The following SLIT3 variants were observed in gnomAD, a reference collection of about 807,000 sequenced individuals.
SLIT3 encodes slit guidance ligand 3.
Under a neutral mutation model 184.0 loss-of-function variants are expected in SLIT3, and 68 were observed. The ratio of observed to expected loss-of-function variants is 0.37; its 90% CI spans 0.30 to 0.45. The LOEUF (loss-of-function observed/expected upper bound fraction) is 0.45, where lower values mean the gene tolerates loss of function less well. Among genes scored for constraint, SLIT3 ranks in the 20% least tolerant of loss-of-function variants. The pLI, the probability that SLIT3 is intolerant of heterozygous loss-of-function variation, is 1.00. For synonymous variants in SLIT3, 831 were observed against 828.6 expected (o/e 1.00, Z -0.05); for missense variants, 1,707 against 2,026.0 (o/e 0.84, Z 3.02).
At chr5:169,213,185 C>A (rs186957402) in intron 3 of SLIT3, among the ~76,000 whole-genome samples, 1 of 151,918 alleles carries the variant, frequency 6.6e-6, no homozygotes, top group African/African-American at 2.4e-5. Flanking sequence ...AAGAGAGAGC[C>A]AAATCATGAG....
intron 4 of SLIT3, among the ~76,000 whole-genome samples, chr5:169,134,330 T>A (rs1026216792): frequency 6.6e-6 from 1 of 152,220 alleles, no homozygotes; most frequent in Non-Finnish European, 1.5e-5. Context: ...CCTCTGTCCC[T>A]CTCACATGCT....
intron 9 of SLIT3, among the ~76,000 whole-genome samples, chr5:168,803,698 G>A (rs1255743650): frequency 6.6e-6 from 1 of 152,182 alleles, no homozygotes; most frequent in Non-Finnish European, 1.5e-5. Flanking sequence ...TGCAGTTTGG[G>A]AACCTAGCCG....
At chr5:168,962,466 T>C (rs554581683) in intron 4 of SLIT3, among the ~76,000 whole-genome samples, 11 of 152,112 alleles carry the variant, frequency 7.2e-5, no homozygotes, top group Non-Finnish European at 1.5e-4. Context: ...AACCAGACCA[T>C]GTGTTTTTGC....
intron 3 of SLIT3, among the ~76,000 whole-genome samples, chr5:169,196,520 T>C (rs1048884158): frequency 1.3e-5 from 2 of 152,164 alleles, no homozygotes; most frequent in African/African-American, 4.8e-5. Flanking sequence ...TCAAACGCCA[T>C]GCCACGTGCT....
intron 4 of SLIT3, among the ~76,000 whole-genome samples, chr5:168,917,304 G>A (rs1190148945): frequency 2.0e-5 from 3 of 152,084 alleles, no homozygotes; most frequent in East Asian, 1.9e-4. Flanking sequence ...TGAGACTTAC[G>A]AGTTGGATTT....
In SLIT3 at chr5:168,787,109, C is replaced by T. The variant is rs139127251; in HGVS notation, c.1080-1131G>A. Among the ~76,000 whole-genome samples, 384 of 152,312 alleles carry T rather than the reference C, an allele frequency of 2.5e-3. 2 individuals carry two copies. Among genetic ancestry groups the T allele is most frequent in the Admixed American group, 7.6e-3 (117 of 15,308 alleles). ...AAGAGTGAATGTCTCCATCAGCCTA[C>T]GGGTGTGTTTCATTAATGTTTCAAC... On this transcript the variant is annotated intron_variant, in intron 11 of 35. Coordinates refer to ENST00000519560, the MANE Select transcript of SLIT3 (RefSeq NM_003062.4).
intron 4 of SLIT3, among the ~76,000 whole-genome samples, chr5:169,073,974 A>G (rs1758646636): frequency 1.3e-5 from 2 of 152,188 alleles, no homozygotes; most frequent in South Asian, 4.2e-4. Context: ...GGGACACACC[A>G]TTGATATTTT....
At chr5:168,886,546 T>G (rs1760222198) in intron 4 of SLIT3, among the ~76,000 whole-genome samples, 1 of 152,172 alleles carries the variant, frequency 6.6e-6, no homozygotes, top group African/African-American at 2.4e-5. Context: ...TGTTGGGGTT[T>G]TAGTGTCTCC....
At chr5:169,114,849 G>A (rs1476602818) in intron 4 of SLIT3, among the ~76,000 whole-genome samples, 4 of 152,214 alleles carry the variant, frequency 2.6e-5, no homozygotes, top group African/African-American at 7.2e-5. Context: ...GCTGGCAGCC[G>A]TGGGCTGTTG....
At chr5:168,812,113 A>C (rs1266058051) in intron 8 of SLIT3, among the ~76,000 whole-genome samples, 1 of 152,218 alleles carries the variant, frequency 6.6e-6, no homozygotes, top group Admixed American at 6.5e-5. Flanking sequence ...AGAAGACAAA[A>C]TACCACATGA....
intron 4 of SLIT3, among the ~76,000 whole-genome samples, chr5:169,059,818 C>T (rs755070405): frequency 9.9e-5 from 15 of 152,206 alleles, no homozygotes; most frequent in Non-Finnish European, 1.8e-4. Flanking sequence ...GGGCTATGGT[C>T]TGAATGTTTG....
chr5:168,860,267 G>A (rs540354819), intron 5 of SLIT3, among the ~76,000 whole-genome samples: 1 of 152,226 alleles, frequency 6.6e-6, no homozygotes, highest in Admixed American at 6.5e-5. Context: ...AACCCCTTGG[G>A]TCACACTGTT....
chr5:169,063,339 G>T (rs1254242448), intron 4 of SLIT3, among the ~76,000 whole-genome samples: 1 of 152,294 alleles, frequency 6.6e-6, no homozygotes, highest in Non-Finnish European at 1.5e-5. Context: ...GGAAGGAGGG[G>T]CTGGAAGTTT....
chr5:169,206,454 A>G (rs2113499886), intron 3 of SLIT3, among the ~76,000 whole-genome samples: 1 of 152,336 alleles, frequency 6.6e-6, no homozygotes, highest in Non-Finnish European at 1.5e-5. Context: ...GCCAGATGCA[A>G]ATTGAAATAG....
At chr5:168,951,966 A>T (rs983329644) in intron 4 of SLIT3, among the ~76,000 whole-genome samples, 8 of 152,186 alleles carry the variant, frequency 5.3e-5, no homozygotes, top group African/African-American at 1.9e-4. Context: ...GACTTCCCTC[A>T]TCCCTAGCAT....
At chr5:169,199,223 G>C (rs1014541077) in intron 3 of SLIT3, among the ~76,000 whole-genome samples, 5 of 147,564 alleles carry the variant, frequency 3.4e-5, no homozygotes, top group African/African-American at 7.9e-5. Context: ...TTTGTGACAG[G>C]ATGTACGTGA....
chr5:168,713,154 G>A (rs1341762745), intron 23 of SLIT3, among the ~76,000 whole-genome samples: 1 of 152,212 alleles, frequency 6.6e-6, no homozygotes, highest in African/African-American at 2.4e-5. Flanking sequence ...TTATGGAAAC[G>A]GCTTTGGCAT....
At chr5:169,287,510 C>G (rs533378125) in intron 1 of SLIT3, among the ~76,000 whole-genome samples, 1 of 152,138 alleles carries the variant, frequency 6.6e-6, no homozygotes, top group Admixed American at 6.6e-5. Context: ...AAGGGCAGAC[C>G]ACACCAGGAA....
intron 4 of SLIT3, among the ~76,000 whole-genome samples, chr5:169,175,255 A>G (rs574568772): frequency 1.3e-5 from 2 of 152,330 alleles, no homozygotes; most frequent in African/African-American, 4.8e-5. Context: ...GGCTGTTGCT[A>G]TATCCATTTA....
Sources: allele counts gnomAD v4.1 joint callset (sites outside exome capture counted in the v4.1 genomes callset), GRCh38; gene constraint gnomAD v4.1.1; transcripts MANE v1.5; gene names NCBI Gene and HGNC (gene_info 2026-07-23, HGNC 2026-07-21).